Variants in ARID2 observed in about 807,000 individuals in gnomAD.
The protein encoded by ARID2 is AT-rich interaction domain 2.
A neutral mutation model predicts 184.6 loss-of-function variants in ARID2; 32 were observed. That is an observed-to-expected ratio of 0.17 (90% CI 0.13 to 0.23). The LOEUF is 0.23. Ranked by LOEUF, ARID2 falls within the 10% of genes least tolerant of loss-of-function variation. The pLI, the probability that ARID2 is intolerant of heterozygous loss-of-function variation, is 1.00. For missense variants in ARID2, 1,696 were observed against 2,197.6 expected, an observed-to-expected ratio of 0.77 and a Z score of 4.56; for synonymous variants, 836 against 772.6, an observed-to-expected ratio of 1.08 and a Z score of -1.36.
At position 45,906,497 on chromosome 12, in the gene ARID2, CT is replaced by C. The variant is rs1487355059; in HGVS notation, c.*1422del. On this transcript the variant is annotated 3_prime_UTR_variant, in exon 21 of 21. Coordinates refer to ENST00000334344, the MANE Select transcript of ARID2 (RefSeq NM_152641.4). The stretch of plus-strand genomic sequence containing the variant: ...TTATGTTATAGAATGGCTTTATTTA[CT>C]TTGGTGACTGTTTATAGTTTTTAAA... 4.3e-6 allele frequency: 1 copy of C among 232,786 alleles called. No homozygotes were observed. The highest frequency in any genetic ancestry group is 5.6e-5 in the Admixed American group (1 of 17,774). 14.4% of individuals were successfully genotyped at this position (232,786 alleles called of 1,614,324 possible). A position where few individuals can be genotyped will look rare whatever the true frequency, so the allele number is the denominator to read the frequency against.
intron 3 of ARID2, among the ~76,000 whole-genome samples, chr12:45,763,740 CTTG>C (rs2138013303): frequency 6.6e-6 from 1 of 152,300 alleles, no homozygotes; most frequent in South Asian, 2.1e-4. Context: ...ATGCCGCCAC[CTTG>C]GCCTCCCAAA....
At position 45,852,152 on chromosome 12, in the gene ARID2, A is replaced by G. The variant is rs1239037267; in HGVS notation, c.4029A>G (p.Gln1343=). The change falls in exon 15 of 21, where the codon CAA becomes CAG. Residue 1343 remains glutamine, a synonymous_variant. Coordinates refer to ENST00000334344, the MANE Select transcript of ARID2 (RefSeq NM_152641.4). ...NGASGKQNSE[Q]IDMQDIKSDL... ...CATCTGGGAAACAGAACTCAGAACA[A>G]ATAGACATGCAAGATATCAAAAGTG... 5 of 1,614,164 alleles carry G rather than the reference A, an allele frequency of 3.1e-6. No individual in the cohort carries two copies. The highest frequency in any genetic ancestry group is 4.2e-6 in the Non-Finnish European group (5 of 1,180,012).
At chr12:45,834,009 T>TC (rs1943168939) in intron 6 of ARID2, among the ~76,000 whole-genome samples, 2 of 152,232 alleles carry the variant, frequency 1.3e-5, no homozygotes, top group Non-Finnish European at 2.9e-5. Flanking sequence ...ATCACTATGA[T>TC]ATCTTGGGTT....
intron 16 of ARID2, among the ~76,000 whole-genome samples, chr12:45,879,155 C>T (rs1026181660): frequency 6.6e-6 from 1 of 151,968 alleles, no homozygotes; most frequent in Non-Finnish European, 1.5e-5. Context: ...AAAAAGTCGG[C>T]CTTCATCTAA....
At chr12:45,789,451 T>C (rs146589208) in intron 3 of ARID2, 6 of 152,330 alleles carry the variant, frequency 3.9e-5, no homozygotes, top group African/African-American at 1.2e-4. Context: ...TTCTTTGATA[T>C]TTGTTGAGAC....
At chr12:45,733,138 T>A (rs1032337142) in intron 3 of ARID2, among the ~76,000 whole-genome samples, 3 of 152,218 alleles carry the variant, frequency 2.0e-5, no homozygotes, top group Non-Finnish European at 4.4e-5. Flanking sequence ...TTTGCAGGGT[T>A]GTAGCTAGGC....
chr12:45,778,079 G>A (rs867994214), intron 3 of ARID2, among the ~76,000 whole-genome samples: 1 of 151,932 alleles, frequency 6.6e-6, no homozygotes, highest in African/African-American at 2.4e-5. Flanking sequence ...GGTGGCAGGC[G>A]CCCATAATCT....
intron 11 of ARID2, among the ~76,000 whole-genome samples, chr12:45,843,937 G>A (rs995909598): frequency 2.0e-4 from 30 of 152,266 alleles, no homozygotes; most frequent in African/African-American, 5.3e-4. Context: ...TTAGTGTGAC[G>A]CGTTCTTTCC....
At chr12:45,745,249 A>C (rs1941333007) in intron 3 of ARID2, among the ~76,000 whole-genome samples, 1 of 152,218 alleles carries the variant, frequency 6.6e-6, no homozygotes, top group South Asian at 2.1e-4. Context: ...CTATAATTGG[A>C]TATGGCTACT....
intron 3 of ARID2, among the ~76,000 whole-genome samples, chr12:45,775,895 C>T (rs974592386): frequency 4.6e-5 from 7 of 152,132 alleles, no homozygotes; most frequent in East Asian, 3.8e-4. Flanking sequence ...CTTAACCTTT[C>T]GAAGAATGTT....
intron 3 of ARID2, among the ~76,000 whole-genome samples, chr12:45,751,897 A>C (rs909095932): frequency 6.6e-6 from 1 of 152,262 alleles, no homozygotes; most frequent in Non-Finnish European, 1.5e-5. Flanking sequence ...GTCATTTTGC[A>C]GTGCATGACT....
At chr12:45,752,522 T>C (rs1941482583) in intron 3 of ARID2, among the ~76,000 whole-genome samples, 1 of 152,212 alleles carries the variant, frequency 6.6e-6, no homozygotes, top group Non-Finnish European at 1.5e-5. Flanking sequence ...GGCTGAGTTT[T>C]CTGTTTTGTT....
intron 3 of ARID2, among the ~76,000 whole-genome samples, chr12:45,765,160 A>G (rs1941748154): frequency 6.6e-6 from 1 of 152,162 alleles, no homozygotes; most frequent in African/African-American, 2.4e-5. Context: ...TTGGTGAAGT[A>G]ACTAAGTATT....
At chr12:45,808,727 G>A (rs891023850) in intron 3 of ARID2, among the ~76,000 whole-genome samples, 3 of 150,192 alleles carry the variant, frequency 2.0e-5, no homozygotes, top group African/African-American at 7.4e-5. Flanking sequence ...AAAAATGTGT[G>A]TTTGCGTGCG....
chr12:45,893,750 T>A (rs762317068), intron 20 of ARID2, 29 bp downstream of exon 20: 1 of 1,460,882 alleles, frequency 6.8e-7, no homozygotes, highest in Admixed American at 2.3e-5. Flanking sequence ...GTAGCCAAAG[T>A]GAATTTAGTT....
chr12:45,817,402 T>C (rs1942821278), intron 4 of ARID2, among the ~76,000 whole-genome samples: 1 of 152,018 alleles, frequency 6.6e-6, no homozygotes, highest in South Asian at 2.1e-4. Context: ...GATTCAAAAA[T>C]ATTTTGGCAA....
At chr12:45,890,247 T>C (rs1944278155) in intron 16 of ARID2, among the ~76,000 whole-genome samples, 1 of 152,242 alleles carries the variant, frequency 6.6e-6, no homozygotes, top group Admixed American at 6.5e-5. Flanking sequence ...TTAAAATTGA[T>C]TTAAGGAAGT....
rs181268299 is a variant in ARID2, at chr12:45,806,639, A to C, written c.285-4779A>C. On this transcript the variant is annotated intron_variant, in intron 3 of 20. Coordinates refer to ENST00000334344, the MANE Select transcript of ARID2 (RefSeq NM_152641.4). ...ATCTACATTGTCAAATTTACTCTTTAATGCTCTCTCATATCTCTCTGTTTT... is the reference window on the plus strand; with the variant it reads ...ATCTACATTGTCAAATTTACTCTTTCATGCTCTCTCATATCTCTCTGTTTT... Among the ~76,000 whole-genome samples, 5 of 152,228 alleles carry C rather than the reference A, an allele frequency of 3.3e-5. No individual in the cohort carries two copies. In the East Asian group the frequency reaches 9.6e-4, roughly 29 times the overall value.
Position 45,821,600 on chromosome 12 carries a change from C to T in ARID2, c.705+113C>T, listed in dbSNP as rs1289841111. 3 of 535,184 alleles carry T rather than the reference C, an allele frequency of 5.6e-6. No individual in the cohort carries two copies. The Admixed American group carries it at 1.1e-4, about 20-fold the overall frequency. The allele number at this position is 535,184 out of a possible 1,614,324, so 33.2% of individuals were successfully genotyped here. On this transcript the variant is annotated intron_variant, in intron 6 of 20. Coordinates refer to ENST00000334344, the MANE Select transcript of ARID2 (RefSeq NM_152641.4). ...AATACTACCTATACTTTTATCTTTA[C>T]CTAATACATATGCCATACACAACGA...
Sources: allele counts gnomAD v4.1 joint callset (sites outside exome capture counted in the v4.1 genomes callset), GRCh38; gene constraint gnomAD v4.1.1; transcripts MANE v1.5; gene names NCBI Gene and HGNC (gene_info 2026-07-23, HGNC 2026-07-21).